VRK2: variants seen among roughly 807,000 people sequenced by gnomAD.
The protein encoded by VRK2 is serine/threonine-protein kinase VRK2.
A neutral mutation model predicts 57.6 loss-of-function variants in VRK2; 60 were observed. The ratio of observed to expected loss-of-function variants is 1.04; its 90% confidence interval spans 0.85 to 1.29. The LOEUF (loss-of-function observed/expected upper bound fraction) is 1.29, where lower values mean the gene tolerates loss of function less well. VRK2 is among the 50% of genes most tolerant of loss of function. VRK2 has a pLI of 0.00. For missense variants in VRK2, 705 were observed against 588.1 expected (o/e 1.20, Z -2.06); for synonymous variants, 231 against 199.2 (o/e 1.16, Z -1.35).
chr2:57,991,557 T>C (rs1156817700), intron 1 of VRK2, among the ~76,000 whole-genome samples: 1 of 152,106 alleles, frequency 6.6e-6, no homozygotes, highest in Non-Finnish European at 1.5e-5. Flanking sequence ...CAAAGAATGT[T>C]CATAGACATA....
At chr2:58,138,687 C>T (rs979373690) in intron 10 of VRK2, among the ~76,000 whole-genome samples, 12 of 152,152 alleles carry the variant, frequency 7.9e-5, no homozygotes, top group African/African-American at 2.9e-4. Context: ...CATGAAGTTT[C>T]CCAGGTTTTC....
chr2:57,948,836 G>T (rs914343896), intron 1 of VRK2, among the ~76,000 whole-genome samples: 1 of 152,042 alleles, frequency 6.6e-6, no homozygotes, highest in Non-Finnish European at 1.5e-5. Context: ...TGAGTATTTT[G>T]AAAGGTCTGA....
chr2:57,965,951 A>G (rs1671903560), intron 1 of VRK2, among the ~76,000 whole-genome samples: 1 of 152,198 alleles, frequency 6.6e-6, no homozygotes, highest in Non-Finnish European at 1.5e-5. Context: ...AAGGCCTGCA[A>G]TCTTTCACTC....
At chr2:58,114,313 T>G (rs1171603494) in intron 7 of VRK2, among the ~76,000 whole-genome samples, 1 of 151,820 alleles carries the variant, frequency 6.6e-6, no homozygotes, top group Non-Finnish European at 1.5e-5. Context: ...AGATACCAGC[T>G]GTGATGGCTT....
At chr2:57,973,251 T>C (rs75985860) in intron 1 of VRK2, among the ~76,000 whole-genome samples, 2,520 of 151,976 alleles carry the variant, frequency 0.017, 27 homozygotes, top group Middle Eastern at 0.051. Flanking sequence ...TTAATTGGCG[T>C]TTCTCTTACG....
intron 11 of VRK2, 117 bp from the exon 12 acceptor site, chr2:58,146,199 A>G (rs530000484): frequency 4.5e-6 from 4 of 895,516 alleles, no homozygotes; most frequent in Non-Finnish European, 6.4e-6. Flanking sequence ...TTTCCTCTTT[A>G]TTTCCTTTTT....
intron 7 of VRK2, among the ~76,000 whole-genome samples, chr2:58,101,068 T>G (rs1377592887): frequency 6.6e-6 from 1 of 151,692 alleles, no homozygotes; most frequent in East Asian, 1.9e-4. Flanking sequence ...TTATTATTAT[T>G]GGAGGGTAGT....
chr2:58,114,887 A>C (rs1180284910), intron 7 of VRK2, among the ~76,000 whole-genome samples: 1 of 152,190 alleles, frequency 6.6e-6, no homozygotes, highest in Non-Finnish European at 1.5e-5. Flanking sequence ...TATTTAGACT[A>C]AGAGCTATTT....
At chr2:57,980,733 T>C (rs1672397344) in intron 1 of VRK2, among the ~76,000 whole-genome samples, 1 of 152,232 alleles carries the variant, frequency 6.6e-6, no homozygotes, top group South Asian at 2.1e-4. Context: ...TGCATATACA[T>C]TTAGGATTGT....
chr2:57,980,941 G>C (rs1672405252), intron 1 of VRK2, among the ~76,000 whole-genome samples: 1 of 152,022 alleles, frequency 6.6e-6, no homozygotes, highest in South Asian at 2.1e-4. Flanking sequence ...TATGAGACAT[G>C]ACTCTTGAAG....
Position 57,969,879 on chromosome 2 carries a change from T to C in VRK2, c.-438-55786T>C, listed in dbSNP as rs1326173080. Among the ~76,000 whole-genome samples the C allele has an allele frequency of 2.0e-5, 3 of 152,058 alleles. No homozygotes were observed. The East Asian group carries it at 5.8e-4, about 29-fold the overall frequency. The stretch of plus-strand genomic sequence containing the variant: ...ACCTTATAGCTTCAAACATGTTTTC[T>C]GTCCATATGCCGAGGTCTTTCAGCT... On this transcript the variant is annotated intron_variant, in intron 1 of 15. Coordinates refer to the VRK2 transcript ENST00000417641.
chr2:58,154,872 T>G, intron 12 of VRK2: 1 of 619,996 alleles, frequency 1.6e-6, no homozygotes, highest in South Asian at 2.1e-5. Flanking sequence ...ATTTATACAT[T>G]TCAATTTTGT....
At chr2:58,155,507 A>G (rs1317189762) in intron 12 of VRK2, among the ~76,000 whole-genome samples, 1 of 151,920 alleles carries the variant, frequency 6.6e-6, no homozygotes, top group Non-Finnish European at 1.5e-5. Flanking sequence ...GGTGGGAAGG[A>G]AGGGGGACCA....
chr2:58,037,455 G>A (rs1674313260), intron 3 of VRK2, among the ~76,000 whole-genome samples: 1 of 152,096 alleles, frequency 6.6e-6, no homozygotes, highest in Non-Finnish European at 1.5e-5. Flanking sequence ...CAGGTGGGGT[G>A]AGGGGTGCAG....
intron 1 of VRK2, among the ~76,000 whole-genome samples, chr2:57,980,640 A>G (rs557272026): frequency 6.6e-6 from 1 of 152,242 alleles, no homozygotes; most frequent in East Asian, 1.9e-4. Context: ...TTGTGTTGAA[A>G]TTTCCACTAT....
intron 2 of VRK2, among the ~76,000 whole-genome samples, chr2:58,055,136 A>T (rs891789501): frequency 2.6e-5 from 4 of 152,186 alleles, no homozygotes; most frequent in African/African-American, 9.6e-5. Context: ...TTCTGGCAGA[A>T]GAAGTGACTT....
chr2:57,942,530 T>C (rs1054998014), intron 1 of VRK2, among the ~76,000 whole-genome samples: 2 of 151,768 alleles, frequency 1.3e-5, no homozygotes, highest in Non-Finnish European at 2.9e-5. Flanking sequence ...CTAAATGTCA[T>C]TCCAAAACAA....
chr2:58,123,137 T>C lies in VRK2; in HGVS notation c.580T>C (p.Cys194Arg). Reference protein sequence around the residue: ...LADYGLSYRYCPNGNHKQYQE... With the variant: ...LADYGLSYRYRPNGNHKQYQE... Reference sequence around the variant, plus strand: ...AGATTATGGACTTTCCTACAGATATTGTCCCAATGGGAACCACAAACAGTA... The same window carrying C: ...AGATTATGGACTTTCCTACAGATATCGTCCCAATGGGAACCACAAACAGTA... Residue 194 changes from cysteine to arginine, a missense_variant, in exon 8 of 13, where the codon TGT becomes CGT. Physicochemically the swap from Cys to Arg is radical, Grantham distance 180. Transcript: ENST00000340157. 5.6e-6 allele frequency: 9 copies of C among 1,600,500 alleles called. No homozygotes were observed. Among genetic ancestry groups the C allele is most frequent in the Non-Finnish European group, 6.8e-6 (8 of 1,176,194 alleles).
intron 1 of VRK2, among the ~76,000 whole-genome samples, chr2:57,996,643 G>C (rs984233452): frequency 2.6e-5 from 4 of 152,082 alleles, no homozygotes; most frequent in African/African-American, 9.7e-5. Flanking sequence ...AATTAGAACA[G>C]GAAGTCTCTA....
Sources: allele counts gnomAD v4.1 joint callset (sites outside exome capture counted in the v4.1 genomes callset), GRCh38; gene constraint gnomAD v4.1.1; transcripts MANE v1.5; gene names NCBI Gene and HGNC (gene_info 2026-07-23, HGNC 2026-07-21).